FAAH2: variants seen among roughly 807,000 people sequenced by gnomAD.
The protein encoded by FAAH2 is fatty-acid amide hydrolase 2.
A neutral mutation model predicts 36.9 loss-of-function variants in FAAH2; 60 were observed. The ratio of observed to expected loss-of-function variants is 1.63; its 90% CI spans 1.32 to 2.02. The LOEUF is 2.02. Among genes scored for constraint, FAAH2 ranks in the 30% most tolerant of loss-of-function variants. The pLI is 0.00. For missense variants in FAAH2, 689 were observed against 397.5 expected (o/e 1.73, Z -6.23); for synonymous variants, 214 against 143.8 (o/e 1.49, Z -3.49).
the FAAH2 span, among the ~76,000 whole-genome samples, chrX:57,234,126 T>A: frequency 1.8e-5 from 2 of 113,045 alleles, no homozygotes; most frequent in African/African-American, 3.2e-5. Context: ...CAACTGGGCA[T>A]CTTTTTTAAG....
At chrX:57,333,528 AC>A (rs1446205225) in intron 4 of FAAH2, among the ~76,000 whole-genome samples, 2 of 111,530 alleles carry the variant, frequency 1.8e-5, no homozygotes, top group Non-Finnish European at 3.8e-5. Context: ...AAACTGGTCA[AC>A]ATGCAAGTAC....
intron 5 of FAAH2, among the ~76,000 whole-genome samples, chrX:57,365,088 C>A (rs1229636780): frequency 9.0e-6 from 1 of 110,779 alleles, no homozygotes; most frequent in Non-Finnish European, 1.9e-5. Flanking sequence ...TCCAGAATAC[C>A]TTGGTTTGTT....
intron 3 of FAAH2, among the ~76,000 whole-genome samples, chrX:57,323,451 CA>C (rs1440556897): frequency 8.9e-6 from 1 of 111,787 alleles, no homozygotes; most frequent in Non-Finnish European, 1.9e-5. Context: ...GTCCCACCAA[CA>C]TTGTAAAAGT....
the FAAH2 span, among the ~76,000 whole-genome samples, chrX:57,190,363 C>A: frequency 9.3e-6 from 1 of 107,777 alleles, no homozygotes; most frequent in Non-Finnish European, 1.9e-5. Flanking sequence ...TGAGCAAGAC[C>A]ACTTGGCTCC....
At chrX:57,371,183 G>A (rs1345612467) in intron 5 of FAAH2, among the ~76,000 whole-genome samples, 1 of 111,194 alleles carries the variant, frequency 9.0e-6, no homozygotes, top group Non-Finnish European at 1.9e-5. Flanking sequence ...TCATATAATT[G>A]AACCTGTCAC....
chrX:57,273,103 A>T, the FAAH2 span, among the ~76,000 whole-genome samples: 1 of 111,887 alleles, frequency 8.9e-6, no homozygotes, highest in Non-Finnish European at 1.9e-5. Flanking sequence ...AAAGAACGTG[A>T]GTTGCAGTCC....
chrX:57,142,129 C>A, the FAAH2 span, among the ~76,000 whole-genome samples: 1 of 111,715 alleles, frequency 9.0e-6, no homozygotes, highest in Non-Finnish European at 1.9e-5. Context: ...TTTATTATTT[C>A]TTTCCTTCTA....
At chrX:57,360,146 A>G in intron 5 of FAAH2, among the ~76,000 whole-genome samples, 1 of 110,247 alleles carries the variant, frequency 9.1e-6, no homozygotes, top group African/African-American at 3.3e-5. Context: ...CTGCTTGATT[A>G]TAATTTGTCT....
intron 7 of FAAH2, among the ~76,000 whole-genome samples, chrX:57,420,669 G>A (rs1185377265): frequency 9.2e-6 from 1 of 108,741 alleles, no homozygotes; most frequent in Non-Finnish European, 1.9e-5. Flanking sequence ...TCTGCAAACA[G>A]GGACAATTTG....
intron 8 of FAAH2, among the ~76,000 whole-genome samples, chrX:57,443,554 G>A (rs2056609663): frequency 1.8e-5 from 2 of 111,693 alleles, no homozygotes; most frequent in Non-Finnish European, 1.9e-5. Flanking sequence ...CGCGTTCGAA[G>A]ATCCTCCTTT....
intron 2 of FAAH2, among the ~76,000 whole-genome samples, chrX:57,306,976 T>TACAC (rs199916519): frequency 8.5e-5 from 5 of 58,742 alleles, no homozygotes; most frequent in Middle Eastern, 9.8e-3. Context: ...CACACACGTA[T>TACAC]ACACACACAC....
At chrX:57,262,199 A>G in the FAAH2 span, among the ~76,000 whole-genome samples, 1 of 111,475 alleles carries the variant, frequency 9.0e-6, no homozygotes, top group South Asian at 3.7e-4. Flanking sequence ...GACTCTCAGG[A>G]CCTGAGTAAT....
At chrX:57,365,195 C>T (rs2054384503) in intron 5 of FAAH2, among the ~76,000 whole-genome samples, 1 of 111,907 alleles carries the variant, frequency 8.9e-6, no homozygotes, top group African/African-American at 3.2e-5. Context: ...GCTGCAGGTA[C>T]TGGTCTTTCA....
At position 57,286,970 on chromosome X, in the gene FAAH2, C is replaced by T. The variant is rs553116233; in HGVS notation, c.145C>T (p.Leu49Phe). 12 of 1,198,537 alleles carry T rather than the reference C, an allele frequency of 1.0e-5. 1 individual carries two copies. In the South Asian group the frequency reaches 2.0e-4, roughly 20 times the overall value. Residue 49 changes from leucine (L) to phenylalanine (F), a missense_variant, in exon 1 of 11, where the codon CTT becomes TTT. Leu to Phe is a conservative substitution (Grantham distance 22). Coordinates refer to ENST00000374900, the MANE Select transcript of FAAH2 (RefSeq NM_174912.4). The stretch of plus-strand genomic sequence containing the variant: ...CCCTCGGCCGGTGACTGAACCATTG[C>T]TTCTGCTTTCGGGGATGCAGCTGGC... The part of the protein sequence containing the change: ...KTPRPVTEPL[L>F]LLSGMQLAKL...
intron 7 of FAAH2, among the ~76,000 whole-genome samples, chrX:57,420,448 T>C (rs1372065489): frequency 3.6e-5 from 4 of 111,842 alleles, no homozygotes; most frequent in South Asian, 7.5e-4. Flanking sequence ...CCCTTGTAAG[T>C]TGGATTCCTA....
chrX:57,412,811 A>C (rs1387815378), intron 7 of FAAH2, among the ~76,000 whole-genome samples: 1 of 111,675 alleles, frequency 9.0e-6, no homozygotes, highest in African/African-American at 3.3e-5. Context: ...TGTCTTCCAC[A>C]ATGGTTGAAC....
chrX:57,328,821 G>T (rs1487955190), intron 3 of FAAH2, among the ~76,000 whole-genome samples: 1 of 111,578 alleles, frequency 9.0e-6, no homozygotes, highest in African/African-American at 3.3e-5. Flanking sequence ...AACATTTAAA[G>T]TGGCCAAGAC....
the FAAH2 span, among the ~76,000 whole-genome samples, chrX:57,205,403 T>C: frequency 3.6e-5 from 4 of 112,555 alleles, no homozygotes; most frequent in African/African-American, 1.3e-4. Flanking sequence ...ATATGAGTGA[T>C]GTAAAAAGCA....
intron 3 of FAAH2, among the ~76,000 whole-genome samples, chrX:57,328,177 G>C (rs1298811662): frequency 9.0e-6 from 1 of 111,657 alleles, no homozygotes; most frequent in East Asian, 2.8e-4. Flanking sequence ...AGCAAATGTT[G>C]CTGCCTGATC....
Sources: gnomAD v4.1 joint callset for allele counts (sites outside exome capture counted in the v4.1 genomes callset) on GRCh38, gnomAD v4.1.1 for gene constraint, MANE v1.5 for transcripts, NCBI Gene and HGNC (gene_info 2026-07-23, HGNC 2026-07-21) for gene names.